TAF3: variants seen among roughly 807,000 people sequenced by gnomAD.
TAF3 encodes the protein transcription initiation factor TFIID subunit 3.
In TAF3, 7 loss-of-function variants were observed where a neutral mutation model predicts 80.6. The ratio of observed to expected loss-of-function variants is 0.09; its 90% CI spans 0.05 to 0.16. The LOEUF is 0.16. Ranked by LOEUF, TAF3 falls within the 10% of genes least tolerant of loss-of-function variation. TAF3 has a pLI of 1.00. For synonymous variants in TAF3, 444 were observed against 446.1 expected, an observed-to-expected ratio of 1.00 and a Z score of 0.06; for missense variants, 921 against 1,140.2, an observed-to-expected ratio of 0.81 and a Z score of 2.77.
At chr10:8,014,615 C>A in intron 6 of TAF3, 22 bp from the exon 7 acceptor site, 1 of 1,601,086 alleles carries the variant, frequency 6.2e-7, no homozygotes, top group South Asian at 1.1e-5. Context: ...AGTTGCTTAT[C>A]TGAGCTTGTT....
chr10:7,884,961 A>G (rs982820188), intron 2 of TAF3, among the ~76,000 whole-genome samples: 1 of 151,840 alleles, frequency 6.6e-6, no homozygotes, highest in Non-Finnish European at 1.5e-5. Flanking sequence ...TTGCTAACCC[A>G]TACCAATATA....
chr10:7,953,706 A>G (rs1202536299), intron 2 of TAF3, among the ~76,000 whole-genome samples: 1 of 152,236 alleles, frequency 6.6e-6, no homozygotes, highest in Non-Finnish European at 1.5e-5. Flanking sequence ...ACAGCCAATC[A>G]TGTCTTATTT....
At chr10:8,005,823 C>A (rs540126184) in intron 4 of TAF3, among the ~76,000 whole-genome samples, 20 of 152,310 alleles carry the variant, frequency 1.3e-4, no homozygotes, top group African/African-American at 4.1e-4. Flanking sequence ...ACATTACATG[C>A]CTTTTATGTA....
At chr10:8,008,057 C>T (rs959400534) in intron 4 of TAF3, among the ~76,000 whole-genome samples, 2 of 151,434 alleles carry the variant, frequency 1.3e-5, no homozygotes, top group African/African-American at 4.9e-5. Flanking sequence ...GCTGCATTAC[C>T]TCCTCCTTAC....
intron 2 of TAF3, among the ~76,000 whole-genome samples, chr10:7,898,098 A>G (rs1837523689): frequency 6.6e-6 from 1 of 151,950 alleles, no homozygotes; most frequent in African/African-American, 2.4e-5. Context: ...TTATCTATCA[A>G]CCCTTCTGTA....
chr10:8,014,389 C>T (rs141694679), intron 6 of TAF3, among the ~76,000 whole-genome samples: 241 of 152,258 alleles, frequency 1.6e-3, no homozygotes, highest in African/African-American at 5.2e-3. Flanking sequence ...AGCCGTGGCT[C>T]GGAAGACTTC....
At chr10:7,994,401 G>C (rs980870548) in intron 4 of TAF3, among the ~76,000 whole-genome samples, 2 of 151,946 alleles carry the variant, frequency 1.3e-5, no homozygotes, top group Non-Finnish European at 2.9e-5. Flanking sequence ...CATTATTCTA[G>C]GCCTTTACAA....
intron 2 of TAF3, among the ~76,000 whole-genome samples, chr10:7,950,587 C>A (rs148501618): frequency 6.6e-6 from 1 of 152,092 alleles, no homozygotes; most frequent in Non-Finnish European, 1.5e-5. Context: ...GTCAGTAGTC[C>A]GTAAAAGTAC....
chr10:7,918,741 T>A (rs1837735481), intron 2 of TAF3, among the ~76,000 whole-genome samples: 1 of 152,146 alleles, frequency 6.6e-6, no homozygotes, highest in Non-Finnish European at 1.5e-5. Flanking sequence ...CTGCCATATT[T>A]CTATCTGTTA....
At chr10:7,872,478 T>A (rs987705262) in intron 2 of TAF3, among the ~76,000 whole-genome samples, 1 of 152,140 alleles carries the variant, frequency 6.6e-6, no homozygotes, top group African/African-American at 2.4e-5. Flanking sequence ...TAAGCAATAT[T>A]GTAGATGGAA....
chr10:7,879,448 C>T (rs1837339750), intron 2 of TAF3, among the ~76,000 whole-genome samples: 1 of 152,160 alleles, frequency 6.6e-6, no homozygotes, highest in African/African-American at 2.4e-5. Context: ...GAAATAATGA[C>T]ACCCACCCTC....
intron 3 of TAF3, chr10:7,975,168 T>C (rs913659901): frequency 8.7e-6 from 2 of 230,974 alleles, no homozygotes; most frequent in Non-Finnish European, 1.8e-5. Context: ...GAAAGCTTCT[T>C]TAGAAGACAG....
chr10:7,941,718 C>A (rs1837978521), intron 2 of TAF3, among the ~76,000 whole-genome samples: 1 of 152,132 alleles, frequency 6.6e-6, no homozygotes, highest in Non-Finnish European at 1.5e-5. Context: ...TCAGTAAATA[C>A]AAGAACTTAT....
chr10:7,901,520 G>C (rs943483099), intron 2 of TAF3, among the ~76,000 whole-genome samples: 62 of 152,216 alleles, frequency 4.1e-4, no homozygotes, highest in African/African-American at 1.5e-3. Context: ...AATTGGGCTT[G>C]AGTAGAAAAC....
chr10:7,871,526 C>T (rs1195015581), intron 2 of TAF3, among the ~76,000 whole-genome samples: 1 of 139,018 alleles, frequency 7.2e-6, no homozygotes, highest in Non-Finnish European at 1.5e-5. Context: ...TCATTGCAAT[C>T]TCCGCCTCCC....
At chr10:7,820,588 G>A (rs2131094952) in intron 1 of TAF3, among the ~76,000 whole-genome samples, 1 of 152,346 alleles carries the variant, frequency 6.6e-6, no homozygotes, top group Non-Finnish European at 1.5e-5. Flanking sequence ...TCGAACTTCA[G>A]GGCTCAAGTG....
At position 8,014,630 on chromosome 10, in the gene TAF3, C is replaced by T. The variant is rs374088587; in HGVS notation, c.2676-7C>T. 27 of 1,608,330 alleles carry T rather than the reference C, an allele frequency of 1.7e-5. No individual in the cohort carries two copies. Among genetic ancestry groups the T allele is most frequent in the South Asian group, 3.3e-5 (3 of 89,952 alleles). Reference sequence around the variant, plus strand: ...AGTTGCTTATCTGAGCTTGTTTTCACGTGCAGGCCCTGTGTTGGAATCATG... The same window carrying T: ...AGTTGCTTATCTGAGCTTGTTTTCATGTGCAGGCCCTGTGTTGGAATCATG... On this transcript the variant is annotated splice_polypyrimidine_tract_variant and splice_region_variant and intron_variant, in intron 6 of 6. Coordinates refer to ENST00000344293, the MANE Select transcript of TAF3 (RefSeq NM_031923.4).
In TAF3 at chr10:7,964,243, G is replaced by A. The variant is rs933729230; in HGVS notation, c.733G>A (p.Glu245Lys). The A allele has an allele frequency of 2.5e-6, 4 of 1,614,034 alleles. No homozygotes were observed. Among genetic ancestry groups the A allele is most frequent in the African/African-American group, 2.7e-5 (2 of 74,896 alleles). ...DSTDLAPPSPEPPMLAPVAKS... is the reference protein window; with the variant it reads ...DSTDLAPPSPKPPMLAPVAKS... The stretch of plus-strand genomic sequence containing the variant: ...TACAGACTTGGCACCTCCCTCACCC[G>A]AGCCGCCAATGTTGGCTCCAGTTGC... The change falls in exon 3 of 7, where the codon GAG becomes AAG. Residue 245 changes from glutamate (E) to lysine (K), a missense_variant. Transcript: ENST00000344293. This position sits in a 1 kb window ranked among gnomAD's most constrained non-coding sequence, Gnocchi z 4.1.
chr10:7,823,974 T>TTTA (rs1202911872), intron 1 of TAF3, among the ~76,000 whole-genome samples: 1 of 151,994 alleles, frequency 6.6e-6, no homozygotes, highest in Admixed American at 6.6e-5. Context: ...AAAACACTAT[T>TTTA]TTATTATTAT....
Sources: gnomAD v4.1 joint callset for allele counts (sites outside exome capture counted in the v4.1 genomes callset) on GRCh38, gnomAD v4.1.1 for gene constraint, Gnocchi (gnomAD v3.1) non-coding constraint, MANE v1.5 for transcripts, NCBI Gene and HGNC (gene_info 2026-07-23, HGNC 2026-07-21) for gene names.